The following ITGA1 variants were observed in gnomAD, a reference collection of about 807,000 sequenced individuals.
ITGA1 encodes the protein integrin subunit alpha 1, also known as integrin alpha-1.
ITGA1 carries 85 observed loss-of-function variants against 145.9 expected under a neutral mutation model. The ratio of observed to expected loss-of-function variants is 0.58; its 90% CI spans 0.49 to 0.70. ITGA1 has a LOEUF of 0.70. Among genes scored for constraint, ITGA1 ranks in the 30% least tolerant of loss-of-function variants. The pLI is 0.00. For missense variants in ITGA1, 1,351 were observed against 1,418.7 expected (o/e 0.95, Z 0.77); for synonymous variants, 520 against 495.3 (o/e 1.05, Z -0.66).
In ITGA1 at chr5:52,835,240, G is replaced by A. The variant is rs1278335188; in HGVS notation, c.62-14125G>A. 4.6e-5 allele frequency among the ~76,000 whole-genome samples: 7 copies of A among 152,138 alleles called. No individual in the cohort carries two copies. In the East Asian group the frequency reaches 1.3e-3, roughly 29 times the overall value. On this transcript the variant is annotated intron_variant, in intron 1 of 28. Coordinates refer to ENST00000282588, the MANE Select transcript of ITGA1 (RefSeq NM_181501.2). ...TATCCAGAACTGTGCTAGGCGTTGAGAATGAGAATATAAGTTCTTATTTTT... is the reference window on the plus strand; with the variant it reads ...TATCCAGAACTGTGCTAGGCGTTGAAAATGAGAATATAAGTTCTTATTTTT...
At chr5:52,808,676 C>CTTTCTTTTT (rs1554041033) in intron 1 of ITGA1, among the ~76,000 whole-genome samples, 96 of 69,350 alleles carry the variant, frequency 1.4e-3, no homozygotes, top group African/African-American at 3.7e-3. Context: ...TTCTTTCTTT[C>CTTTCTTTTT]TTTTTTTTTT....
intron 1 of ITGA1, among the ~76,000 whole-genome samples, chr5:52,810,636 G>A (rs753845303): frequency 1.3e-5 from 2 of 152,206 alleles, no homozygotes; most frequent in East Asian, 1.9e-4. Context: ...GGGAAAGTGC[G>A]AAGACTGATG....
rs71633443 is a variant in ITGA1, at chr5:52,892,439, G to A, written c.925-1236G>A. ...GACGATTACTGTGGAAAGCAGTTTG[G>A]CAGTTTCTTAAAAAGTTAATCATTC... On this transcript the variant is annotated intron_variant, in intron 8 of 28. Transcript: ENST00000282588. Among the ~76,000 whole-genome samples, 839 of 152,234 alleles carry A rather than the reference G, an allele frequency of 5.5e-3. 4 individuals carry two copies. Among genetic ancestry groups the A allele is most frequent in the Middle Eastern group, 0.027 (8 of 292 alleles).
rs1276355698 is a variant in ITGA1, at chr5:52,884,421, T to A, written c.773+2400T>A. The stretch of plus-strand genomic sequence containing the variant: ...AAGATCGTGCCACTGCACTTCAGCC[T>A]GGGCAACAAGAGCAAAACTCTGCCT... On this transcript the variant is annotated intron_variant, in intron 7 of 28. Coordinates refer to ENST00000282588, the MANE Select transcript of ITGA1 (RefSeq NM_181501.2). Among the ~76,000 whole-genome samples, 5 of 147,042 alleles carry A rather than the reference T, an allele frequency of 3.4e-5. 1 individual carries two copies. The East Asian group carries it at 8.1e-4, about 24-fold the overall frequency.
At chr5:52,888,688 G>A (rs531862829) in intron 8 of ITGA1, among the ~76,000 whole-genome samples, 3 of 152,358 alleles carry the variant, frequency 2.0e-5, no homozygotes, top group African/African-American at 7.2e-5. Context: ...AATTACTTCA[G>A]AGCTAGCTCT....
chr5:52,849,294 C>A, intron 1 of ITGA1, 71 bp from the exon 2 acceptor site: 2 of 1,298,840 alleles, frequency 1.5e-6, no homozygotes, highest in Non-Finnish European at 2.1e-6. Flanking sequence ...CTTAACCATG[C>A]CTTCCATAAC....
At chr5:52,801,674 G>A in intron 1 of ITGA1, 1 of 1,614,194 alleles carries the variant, frequency 6.2e-7, no homozygotes, top group Non-Finnish European at 8.5e-7. Context: ...CGGTATGTGA[G>A]GCTGGTGGAC....
rs567050400 is a variant in ITGA1 at position 52,812,962 on chromosome 5, G to A, written c.61+24548G>A. ...AAACCAGAACAAGTGGACCCACTCA[G>A]TCCAGAGTTACCCTCAACATGAGAC... On this transcript the variant is annotated intron_variant, in intron 1 of 28. Transcript: ENST00000282588. Among the ~76,000 whole-genome samples the A allele has an allele frequency of 2.0e-5, 3 of 152,056 alleles. No individual in the cohort carries two copies. In the East Asian group the frequency reaches 5.8e-4, roughly 29 times the overall value.
At chr5:52,851,206 C>A (rs1045603548) in intron 2 of ITGA1, among the ~76,000 whole-genome samples, 1 of 151,956 alleles carries the variant, frequency 6.6e-6, no homozygotes, top group Non-Finnish European at 1.5e-5. Context: ...ATCAGAAAAA[C>A]CTGTATGTTT....
intron 17 of ITGA1, among the ~76,000 whole-genome samples, chr5:52,921,261 A>C (rs1017504977): frequency 3.3e-5 from 5 of 152,150 alleles, no homozygotes; most frequent in Non-Finnish European, 7.3e-5. Context: ...GTAAACTTGG[A>C]GCTTTAAAGG....
chr5:52,788,785 C>A (rs1748180792), intron 1 of ITGA1, among the ~76,000 whole-genome samples: 1 of 152,050 alleles, frequency 6.6e-6, no homozygotes, highest in African/African-American at 2.4e-5. Context: ...GAGGGTGATG[C>A]TTATAGGGCG....
At chr5:52,828,994 A>G (rs1314621817) in intron 1 of ITGA1, among the ~76,000 whole-genome samples, 1 of 152,112 alleles carries the variant, frequency 6.6e-6, no homozygotes, top group Non-Finnish European at 1.5e-5. Flanking sequence ...TTCTCTTATA[A>G]GATTACCAGT....
At chr5:52,865,588 C>A in intron 5 of ITGA1, 102 bp from the exon 6 acceptor site, 1 of 907,792 alleles carries the variant, frequency 1.1e-6, no homozygotes, top group Non-Finnish European at 1.6e-6. Flanking sequence ...TGGAGAACAT[C>A]AGTTCATCTT....
At chr5:52,894,921 G>T (rs1208398084) in intron 9 of ITGA1, among the ~76,000 whole-genome samples, 2 of 152,118 alleles carry the variant, frequency 1.3e-5, no homozygotes, top group African/African-American at 4.8e-5. Context: ...TAATTATTTA[G>T]AGTTATGGCT....
chr5:52,788,341 G>C lies in ITGA1; in HGVS notation c.-13G>C, dbSNP rs893737735. On this transcript the variant is annotated 5_prime_UTR_variant, in exon 1 of 29. Transcript: ENST00000282588. The stretch of plus-strand genomic sequence containing the variant: ...AACCAGCGCGGCCCCCTGGCGCTGA[G>C]GCTGCTCCGGCCATGGCCCCTCGGC... 1.9e-5 allele frequency: 28 copies of C among 1,502,254 alleles called. No individual in the cohort carries two copies. In the African/African-American group the frequency reaches 3.6e-4, roughly 19 times the overall value. The allele number at this position is 1,502,254 out of a possible 1,614,324, so 93.1% of individuals were successfully genotyped here.
intron 12 of ITGA1, among the ~76,000 whole-genome samples, chr5:52,906,880 C>T (rs1750416814): frequency 6.6e-6 from 1 of 152,162 alleles, no homozygotes; most frequent in Non-Finnish European, 1.5e-5. Context: ...GGCAGGTCCA[C>T]AAACTGCACT....
chr5:52,871,551 T>A (rs1342108969), intron 6 of ITGA1, among the ~76,000 whole-genome samples: 3 of 151,080 alleles, frequency 2.0e-5, no homozygotes, highest in Admixed American at 1.3e-4. Flanking sequence ...TTGCAAGCAA[T>A]AAAAGGCAGA....
chr5:52,884,215 G>T (rs1385445534), intron 7 of ITGA1, among the ~76,000 whole-genome samples: 1 of 151,990 alleles, frequency 6.6e-6, no homozygotes, highest in Admixed American at 6.6e-5. Context: ...AGTCTGAGGC[G>T]GCTGGATCAC....
intron 18 of ITGA1, among the ~76,000 whole-genome samples, chr5:52,923,850 T>G (rs1339896077): frequency 6.6e-6 from 1 of 152,216 alleles, no homozygotes; most frequent in Non-Finnish European, 1.5e-5. Context: ...AGTAACCACC[T>G]AGGTCATCAG....
Sources: allele counts gnomAD v4.1 joint callset (sites outside exome capture counted in the v4.1 genomes callset), GRCh38; gene constraint gnomAD v4.1.1; transcripts MANE v1.5; gene names NCBI Gene and HGNC (gene_info 2026-07-23, HGNC 2026-07-21).